Variants in HPRT1 observed in about 807,000 individuals in gnomAD.
HPRT1 encodes the protein hypoxanthine phosphoribosyltransferase 1, also known as hypoxanthine-guanine phosphoribosyltransferase.
HPRT1 carries 4 observed loss-of-function variants against 19.0 expected under a neutral mutation model. The observed-to-expected ratio is 0.21, with a 90% CI of 0.10 to 0.48. The LOEUF is 0.48. HPRT1 is among the 20% of genes least tolerant of loss of function. The probability of loss-of-function intolerance (pLI) is 0.98; values close to 1 mark genes in which losing one functional copy is unlikely to be tolerated. For missense variants in HPRT1, 65 were observed against 164.0 expected (o/e 0.40, Z 3.30); for synonymous variants, 53 against 54.9 (o/e 0.97, Z 0.15).
chrX:134,487,264 A>G (rs1159764145), intron 4 of HPRT1, among the ~76,000 whole-genome samples: 3 of 111,628 alleles, frequency 2.7e-5, no homozygotes, highest in Admixed American at 1.9e-4. Context: ...TTATTTGTTG[A>G]CCCATTGGTT....
chrX:134,475,730 A>G (rs1337967331), intron 3 of HPRT1, among the ~76,000 whole-genome samples: 1 of 111,718 alleles, frequency 9.0e-6, no homozygotes, highest in East Asian at 2.8e-4. Context: ...AGGTGGGTTA[A>G]CACTTGTTTC....
At chrX:134,498,283 A>T in intron 6 of HPRT1, 107 bp from the exon 7 acceptor site, 1 of 654,148 alleles carries the variant, frequency 1.5e-6, no homozygotes, top group Non-Finnish European at 2.6e-6. Flanking sequence ...TGACCATGGT[A>T]CACTCAGCAC....
intron 1 of HPRT1, among the ~76,000 whole-genome samples, chrX:134,471,334 A>G (rs550933051): frequency 9.0e-6 from 1 of 111,652 alleles, no homozygotes; most frequent in African/African-American, 3.3e-5. Flanking sequence ...AGGTACATAT[A>G]TAGTATTTAT....
At chrX:134,490,381 A>G (rs750236656) in intron 5 of HPRT1, among the ~76,000 whole-genome samples, 176 bp downstream of exon 5, 103 of 109,359 alleles carry the variant, frequency 9.4e-4, no homozygotes, top group African/African-American at 3.2e-3. Flanking sequence ...GTTTTTACCA[A>G]TAATGGAATG....
intron 8 of HPRT1, among the ~76,000 whole-genome samples, chrX:134,499,364 G>T (rs750151975): frequency 1.5e-4 from 17 of 111,074 alleles, no homozygotes; most frequent in Admixed American, 5.8e-4. Context: ...CTGTAACCCA[G>T]CTACCTGGGA....
rs779817345 is a variant in HPRT1 at position 134,467,041 on chromosome X, C to CTTTTTTTTT, written c.28-6305_28-6297dup. ...TATGCCTTTCCCACTAGATTTTAAG[C>CTTTTTTTTT]TTTTTTTTTTTTTTTTTTTTTGTGA... is the stretch of plus-strand genomic sequence containing the variant. On this transcript the variant is annotated intron_variant, in intron 1 of 8. Transcript: ENST00000298556. 6.6e-4 allele frequency among the ~76,000 whole-genome samples: 40 copies of CTTTTTTTTT among 61,000 alleles called. 1 individual carries two copies. The highest frequency in any genetic ancestry group is 2.2e-3 in the African/African-American group (30 of 13,654). 53.0% of individuals were successfully genotyped at this position (61,000 alleles called of 115,157 possible). A position where few individuals can be genotyped will look rare whatever the true frequency, so the allele number is the denominator to read the frequency against.
At chrX:134,489,376 C>T (rs2077661130) in intron 4 of HPRT1, among the ~76,000 whole-genome samples, 1 of 111,409 alleles carries the variant, frequency 9.0e-6, no homozygotes, top group African/African-American at 3.3e-5. Flanking sequence ...TCTTTTGTGC[C>T]TTACTCTGGT....
chrX:134,475,768 T>C (rs2070888), intron 3 of HPRT1, among the ~76,000 whole-genome samples: 5,098 of 110,850 alleles, frequency 0.046, 119 homozygotes, highest in Middle Eastern at 0.069. Context: ...AGCTAGAGTA[T>C]TGGCGAATTG....
chrX:134,467,189 T>A (rs1319651150), intron 1 of HPRT1, among the ~76,000 whole-genome samples: 1 of 109,882 alleles, frequency 9.1e-6, no homozygotes, highest in Non-Finnish European at 1.9e-5. Flanking sequence ...TAACTGGGAC[T>A]ACAGGCACGT....
rs575446030 is a variant in HPRT1, at chrX:134,498,781, A to C, written c.609+97A>C. 9.7e-5 allele frequency: 58 copies of C among 597,053 alleles called. 1 individual carries two copies. The South Asian group carries it at 1.3e-3, about 13-fold the overall frequency. The allele number at this position is 597,053 out of a possible 1,213,427, so 49.2% of individuals were successfully genotyped here. On this transcript the variant is annotated intron_variant, in intron 8 of 8. Coordinates refer to ENST00000298556, the MANE Select transcript of HPRT1 (RefSeq NM_000194.3). ...CTCCTTCCAGCACCTCATAATTTGA[A>C]CAGACTGATGGTTCCCATTAGTCAC...
Position 134,475,048 on chromosome X carries a change from T to C in HPRT1, c.135-133T>C, listed in dbSNP as rs1243717287. The stretch of plus-strand genomic sequence containing the variant: ...GGTACATGCTACCATGCCTGGCTAA[T>C]TTTTTTTTTTTTGCAGGCATGGGGT... On this transcript the variant is annotated intron_variant, in intron 2 of 8. Transcript: ENST00000298556. 5 of 131,143 alleles carry C rather than the reference T, an allele frequency of 3.8e-5. No homozygotes were observed. The East Asian group carries it at 7.8e-4, about 21-fold the overall frequency. The allele number at this position is 131,143 out of a possible 1,213,427, so 10.8% of individuals were successfully genotyped here.
chrX:134,486,083 A>ATT (rs2077651977), intron 3 of HPRT1, among the ~76,000 whole-genome samples: 1 of 111,222 alleles, frequency 9.0e-6, no homozygotes, highest in Non-Finnish European at 1.9e-5. Flanking sequence ...CCAGAACCAG[A>ATT]CACCTGTCAT....
In HPRT1 at chrX:134,491,986, C is replaced by CAT. The variant is rs749685603; in HGVS notation, c.403-1510_403-1509dup. On this transcript the variant is annotated intron_variant, in intron 5 of 8. Transcript: ENST00000298556. ...ACACACACATATATAAATATATATA[C>CAT]ATATATATATATACACACATATATA... Among the ~76,000 whole-genome samples, 100 of 87,897 alleles carry CAT rather than the reference C, an allele frequency of 1.1e-3. 1 individual carries two copies. In the East Asian group the frequency reaches 0.014, roughly 12 times the overall value. The allele number at this position is 87,897 out of a possible 115,157, so 76.3% of individuals were successfully genotyped here. A position where few individuals can be genotyped will look rare whatever the true frequency, so the allele number is the denominator to read the frequency against.
intron 6 of HPRT1, among the ~76,000 whole-genome samples, chrX:134,496,886 G>C (rs1308788279): frequency 2.7e-5 from 3 of 111,770 alleles, no homozygotes; most frequent in African/African-American, 9.8e-5. Flanking sequence ...AGATCACTTT[G>C]GGCCCTTTCC....
At chrX:134,465,734 G>A (rs1254561532) in intron 1 of HPRT1, among the ~76,000 whole-genome samples, 1 of 112,349 alleles carries the variant, frequency 8.9e-6, no homozygotes, top group Non-Finnish European at 1.9e-5. Flanking sequence ...TCAGCAAATG[G>A]TAAGTAACTT....
At chrX:134,469,133 T>C (rs1243259616) in intron 1 of HPRT1, among the ~76,000 whole-genome samples, 2 of 111,140 alleles carry the variant, frequency 1.8e-5, no homozygotes, top group Non-Finnish European at 1.9e-5. Context: ...TGCCAAGTTC[T>C]GACAACTGTC....
chrX:134,492,923 G>C (rs1415961449), intron 5 of HPRT1, among the ~76,000 whole-genome samples: 1 of 111,719 alleles, frequency 9.0e-6, no homozygotes, highest in Non-Finnish European at 1.9e-5. Context: ...CTCCAGCCAT[G>C]ATGTTTCTGA....
chrX:134,497,788 C>CA (rs1224056845), intron 6 of HPRT1, among the ~76,000 whole-genome samples: 6 of 102,595 alleles, frequency 5.8e-5, no homozygotes, highest in African/African-American at 1.4e-4. Flanking sequence ...CTACTAAATA[C>CA]AAAAAAAAAT....
chrX:134,475,083 T>C (rs2124291329), intron 2 of HPRT1, 98 bp from the exon 3 acceptor site: 1 of 664,158 alleles, frequency 1.5e-6, no homozygotes, highest in East Asian at 3.4e-5. Flanking sequence ...TCTCACTATA[T>C]TGCCCAGGTT....
Sources: allele counts gnomAD v4.1 joint callset (sites outside exome capture counted in the v4.1 genomes callset), GRCh38; gene constraint gnomAD v4.1.1; transcripts MANE v1.5; gene names NCBI Gene and HGNC (gene_info 2026-07-23, HGNC 2026-07-21).